The following GPC3 variants were observed in gnomAD, a reference collection of about 807,000 sequenced individuals.
GPC3 encodes glypican-3.
GPC3 carries 3 observed loss-of-function variants against 34.4 expected under a neutral mutation model. The observed-to-expected ratio is 0.09, with a 90% CI of 0.04 to 0.23. The LOEUF is 0.23. GPC3 is among the 10% of genes least tolerant of loss of function. The pLI, the probability that GPC3 is intolerant of heterozygous loss-of-function variation, is 1.00. For synonymous variants in GPC3, 177 were observed against 174.0 expected (o/e 1.02, Z -0.13); for missense variants, 351 against 445.6 (o/e 0.79, Z 1.91).
At chrX:133,560,333 T>C (rs2069530442) in intron 7 of GPC3, among the ~76,000 whole-genome samples, 1 of 112,422 alleles carries the variant, frequency 8.9e-6, no homozygotes, top group Non-Finnish European at 1.9e-5. Flanking sequence ...CTTAGGACAA[T>C]GTCTTTAAAA....
intron 6 of GPC3, among the ~76,000 whole-genome samples, chrX:133,602,068 A>C (rs751025947): frequency 8.9e-6 from 1 of 112,089 alleles, no homozygotes; most frequent in African/African-American, 3.2e-5. Flanking sequence ...TATATACACA[A>C]TGGAATAATA....
chrX:133,806,144 T>C (rs763740939), intron 2 of GPC3, among the ~76,000 whole-genome samples: 1 of 112,287 alleles, frequency 8.9e-6, no homozygotes, highest in South Asian at 3.8e-4. Context: ...CTATGCTATA[T>C]GAAACAAGAG....
intron 3 of GPC3, among the ~76,000 whole-genome samples, chrX:133,735,146 C>T (rs2071498084): frequency 9.0e-6 from 1 of 111,045 alleles, no homozygotes. Flanking sequence ...CAGGGGGCCC[C>T]AAATAGCCAA....
At chrX:133,907,586 A>G (rs758259114) in intron 2 of GPC3, among the ~76,000 whole-genome samples, 1 of 112,274 alleles carries the variant, frequency 8.9e-6, no homozygotes, top group Non-Finnish European at 1.9e-5. Context: ...CATACTATAT[A>G]CACAGCTTTA....
rs745870137 is a variant in GPC3 at position 133,953,250 on chromosome X, T to G, written c.176-39A>C. On this transcript the variant is annotated intron_variant, in intron 1 of 7. Transcript: ENST00000370818. ...GGTTTTCATGTTTCAGTAAGCAGGATCTCTCTCTCACACACCCACACCCAC... is the reference window on the plus strand; with the variant it reads ...GGTTTTCATGTTTCAGTAAGCAGGAGCTCTCTCTCACACACCCACACCCAC... 5.2e-6 allele frequency: 6 copies of G among 1,147,075 alleles called. No individual in the cohort carries two copies. The South Asian group carries it at 1.1e-4, about 21-fold the overall frequency. The allele number at this position is 1,147,075 out of a possible 1,213,427, so 94.5% of individuals were successfully genotyped here. A position where few individuals can be genotyped will look rare whatever the true frequency, so the allele number is the denominator to read the frequency against.
intron 3 of GPC3, 45 bp downstream of exon 3, chrX:133,753,437 C>T: frequency 9.5e-7 from 1 of 1,055,962 alleles, no homozygotes; most frequent in Non-Finnish European, 1.3e-6. Context: ...GCCACCTCAC[C>T]CCAATAAGGC....
chrX:133,872,272 G>T (rs777098763), intron 2 of GPC3, among the ~76,000 whole-genome samples: 29 of 110,745 alleles, frequency 2.6e-4, no homozygotes, highest in Non-Finnish European at 4.7e-4. Flanking sequence ...TTCTACCTTG[G>T]TATATAAATG....
At chrX:133,951,056 GTGT>G (rs2076390833) in intron 2 of GPC3, among the ~76,000 whole-genome samples, 1 of 93,443 alleles carries the variant, frequency 1.1e-5, no homozygotes, top group African/African-American at 3.9e-5. Flanking sequence ...AAGTGTGTGT[GTGT>G]GTGTGTGTGT....
intron 2 of GPC3, among the ~76,000 whole-genome samples, chrX:133,845,406 G>C (rs562499240): frequency 1.8e-5 from 2 of 111,528 alleles, no homozygotes; most frequent in South Asian, 7.7e-4. Context: ...TTTAGGAAAA[G>C]TTTAGCCTTC....
At chrX:133,920,323 C>A (rs1038723715) in intron 2 of GPC3, among the ~76,000 whole-genome samples, 4 of 111,493 alleles carry the variant, frequency 3.6e-5, no homozygotes, top group African/African-American at 1.3e-4. Context: ...ATAAATTGAT[C>A]AAATTCTTCT....
chrX:133,903,383 C>T (rs1335143874), intron 2 of GPC3, among the ~76,000 whole-genome samples: 1 of 110,665 alleles, frequency 9.0e-6, no homozygotes, highest in Non-Finnish European at 1.9e-5. Flanking sequence ...GCTAGGAGTT[C>T]GAGATCAGTC....
At chrX:133,883,158 C>T (rs1724776653) in intron 2 of GPC3, among the ~76,000 whole-genome samples, 2 of 111,425 alleles carry the variant, frequency 1.8e-5, no homozygotes, top group African/African-American at 6.5e-5. Flanking sequence ...AAAAAACCTG[C>T]AAAAGGTTAA....
chrX:133,808,738 A>G (rs1396143935), intron 2 of GPC3, among the ~76,000 whole-genome samples: 1 of 98,423 alleles, frequency 1.0e-5, no homozygotes, highest in Admixed American at 1.0e-4. Context: ...TGCCCAGGAC[A>G]TGAGTATTTA....
At chrX:133,759,235 TC>T (rs765909419) in intron 2 of GPC3, among the ~76,000 whole-genome samples, 1 of 111,933 alleles carries the variant, frequency 8.9e-6, no homozygotes, top group Non-Finnish European at 1.9e-5. Context: ...CCAATCAAAA[TC>T]CCTGCAACTT....
chrX:133,911,366 G>A (rs1019016604), intron 2 of GPC3, among the ~76,000 whole-genome samples: 2 of 112,072 alleles, frequency 1.8e-5, no homozygotes, highest in Admixed American at 1.9e-4. Context: ...TGTTCAACTC[G>A]ATACAGGTTA....
At chrX:133,795,553 G>C (rs1401952919) in intron 2 of GPC3, among the ~76,000 whole-genome samples, 2 of 110,908 alleles carry the variant, frequency 1.8e-5, no homozygotes, top group Non-Finnish European at 3.8e-5. Context: ...AAACCACCCA[G>C]TGAAGTGTAA....
intron 2 of GPC3, among the ~76,000 whole-genome samples, chrX:133,863,796 C>T (rs1414498715): frequency 1.9e-5 from 2 of 103,374 alleles, no homozygotes; most frequent in African/African-American, 7.3e-5. Flanking sequence ...GCTGGGACTA[C>T]AGGCGCCCGC....
intron 2 of GPC3, among the ~76,000 whole-genome samples, chrX:133,785,339 T>C (rs1014302497): frequency 9.0e-6 from 1 of 111,206 alleles, no homozygotes; most frequent in South Asian, 3.9e-4. Context: ...TTCCAAGCCA[T>C]AGCTCTACTA....
rs771446863 is a variant in GPC3 at position 133,727,594 on chromosome X, A to G, written c.1032+25888T>C. Among the ~76,000 whole-genome samples, 27 of 111,006 alleles carry G rather than the reference A, an allele frequency of 2.4e-4. No homozygotes were observed. In the South Asian group the frequency reaches 8.5e-3, roughly 35 times the overall value. ...TGTGGCAACTTTTAACATACTTCAT[A>G]TTCTTCCTTTTGACTCCTTTGCCAT... On this transcript the variant is annotated intron_variant, in intron 3 of 7. Transcript: ENST00000370818.
Sources: gnomAD v4.1 joint callset for allele counts (sites outside exome capture counted in the v4.1 genomes callset) on GRCh38, gnomAD v4.1.1 for gene constraint, MANE v1.5 for transcripts, NCBI Gene and HGNC (gene_info 2026-07-23, HGNC 2026-07-21) for gene names.